The following EXD2 variants were observed in gnomAD, a reference collection of about 807,000 sequenced individuals.
EXD2 encodes the protein exonuclease 3'-5' domain-containing protein 2.
EXD2 carries 40 observed loss-of-function variants against 62.5 expected under a neutral mutation model. The ratio of observed to expected loss-of-function variants is 0.64; its 90% CI spans 0.50 to 0.83. The LOEUF is 0.83. Ranked by LOEUF, EXD2 falls within the 40% of genes least tolerant of loss-of-function variation. The pLI, the probability that EXD2 is intolerant of heterozygous loss-of-function variation, is 0.00. For missense variants in EXD2, 671 were observed against 761.8 expected, an observed-to-expected ratio of 0.88 and a Z score of 1.40; for synonymous variants, 239 against 291.9, an observed-to-expected ratio of 0.82 and a Z score of 1.85.
At position 69,241,143 on chromosome 14, in the gene EXD2, C is replaced by T; in HGVS notation, c.*43C>T. ...GTTAGGACAAGTGGGAAGCTGGAGC[C>T]AAGGTTGAAGAGTCACCTCTTCCCA... On this transcript the variant is annotated 3_prime_UTR_variant, in exon 10 of 10. Coordinates refer to ENST00000685843, the MANE Select transcript of EXD2 (RefSeq NM_001193360.2). 1 of 1,567,834 alleles carries T rather than the reference C, an allele frequency of 6.4e-7. No homozygotes were observed. The highest frequency in any genetic ancestry group is 8.7e-7 in the Non-Finnish European group (1 of 1,147,772).
chr14:69,207,893 C>CTTTTTTTTTTTTTT (rs554026312), intron 2 of EXD2, among the ~76,000 whole-genome samples: 1 of 142,034 alleles, frequency 7.0e-6, no homozygotes, highest in Non-Finnish European at 1.5e-5. Context: ...AGGCCATTTA[C>CTTTTTTTTTTTTTT]TTTTTTTTTT....
intron 8 of EXD2, 66 bp from the exon 9 acceptor site, chr14:69,237,509 C>G (rs2140043795): frequency 6.8e-7 from 1 of 1,476,986 alleles, no homozygotes; most frequent in East Asian, 2.3e-5. Context: ...AGTAGCCTGT[C>G]TGCTGTCTTC....
chr14:69,216,820 C>T (rs1190740088), intron 3 of EXD2, among the ~76,000 whole-genome samples: 3 of 152,230 alleles, frequency 2.0e-5, no homozygotes, highest in East Asian at 3.9e-4. Context: ...CATTACTTCA[C>T]ATAGTTATCA....
rs188410000 is a variant in EXD2 at position 69,224,590 on chromosome 14, T to G, written c.334-4226T>G. Among the ~76,000 whole-genome samples the G allele has an allele frequency of 1.1e-3, 163 of 152,332 alleles. No homozygotes were observed. In the Middle Eastern group the frequency reaches 0.024, roughly 22 times the overall value. On this transcript the variant is annotated intron_variant, in intron 3 of 9. Coordinates refer to ENST00000685843, the MANE Select transcript of EXD2 (RefSeq NM_001193360.2). ...GCCTCCCTGCTTTGACTCTTGTGCA[T>G]GTACAATCCTTTCTCCATGCAGTCA...
intron 2 of EXD2, among the ~76,000 whole-genome samples, chr14:69,204,557 A>T (rs1259556897): frequency 6.9e-6 from 1 of 145,414 alleles, no homozygotes. Flanking sequence ...ACTCTGTCTT[A>T]AAAAAAAAAG....
At chr14:69,208,437 C>T (rs1467161192) in intron 2 of EXD2, among the ~76,000 whole-genome samples, 1 of 151,750 alleles carries the variant, frequency 6.6e-6, no homozygotes, top group African/African-American at 2.4e-5. Context: ...GTCTCGATCT[C>T]CTGACCTCGT....
chr14:69,203,656 C>T (rs2140211594), intron 1 of EXD2, among the ~76,000 whole-genome samples: 1 of 152,270 alleles, frequency 6.6e-6, no homozygotes, highest in Non-Finnish European at 1.5e-5. Context: ...AACTCGGTTA[C>T]TGGAAGTATT....
chr14:69,237,502 A>C, intron 8 of EXD2, 73 bp from the exon 9 acceptor site: 4 of 1,402,892 alleles, frequency 2.9e-6, no homozygotes, highest in Non-Finnish European at 4.0e-6. Flanking sequence ...GAACCCCAGT[A>C]GCCTGTCTGC....
At chr14:69,220,949 C>G (rs1382187699) in intron 3 of EXD2, among the ~76,000 whole-genome samples, 3 of 152,136 alleles carry the variant, frequency 2.0e-5, no homozygotes, top group Non-Finnish European at 4.4e-5. Flanking sequence ...TCACTGCAGC[C>G]TCAAATTCCT....
At chr14:69,235,984 C>A in intron 6 of EXD2, 62 bp from the exon 7 acceptor site, 1 of 1,219,252 alleles carries the variant, frequency 8.2e-7, no homozygotes, top group Non-Finnish European at 1.2e-6. Context: ...CATGGGAAGG[C>A]AACAGACATT....
intron 9 of EXD2, among the ~76,000 whole-genome samples, chr14:69,239,945 C>G (rs1365213116): frequency 6.6e-6 from 1 of 152,248 alleles, no homozygotes; most frequent in Non-Finnish European, 1.5e-5. Context: ...CTTTCGGCCA[C>G]AGACTTTTCT....
chr14:69,196,456 T>C (rs2042207016), intron 1 of EXD2, among the ~76,000 whole-genome samples: 1 of 152,182 alleles, frequency 6.6e-6, no homozygotes, highest in South Asian at 2.1e-4. Context: ...TATGAATAGC[T>C]ATGAACTTTA....
chr14:69,233,193 C>CT (rs1594778108), intron 5 of EXD2, among the ~76,000 whole-genome samples: 1 of 152,078 alleles, frequency 6.6e-6, no homozygotes, highest in East Asian at 1.9e-4. Context: ...ACACATTCTT[C>CT]TGTGGGAAAC....
In EXD2 at chr14:69,234,784, G is replaced by A; in HGVS notation, c.802G>A (p.Gly268Arg). 1.2e-6 allele frequency: 2 copies of A among 1,614,046 alleles called. No homozygotes were observed. Among genetic ancestry groups the A allele is most frequent in the Non-Finnish European group, 1.7e-6 (2 of 1,180,008 alleles). Residue 268 changes from glycine to arginine, a missense_variant, in exon 6 of 10, where the codon GGA becomes AGA. Transcript: ENST00000685843. ...ATACCCTTTCTCTAGGAATTCACCT[G>A]GAGAAAAAAACGATGACCACAGTAG... ...LGYPFSRNSP[G>R]EKNDDHSSWR...
intron 1 of EXD2, among the ~76,000 whole-genome samples, chr14:69,193,348 C>T (rs2042098028): frequency 6.6e-6 from 1 of 152,172 alleles, no homozygotes; most frequent in South Asian, 2.1e-4. Flanking sequence ...CGTGAGCCAC[C>T]GTGTCTGGCC....
intron 2 of EXD2, among the ~76,000 whole-genome samples, chr14:69,204,556 T>TA (rs961163915): frequency 0.014 from 2,067 of 149,368 alleles, 42 homozygotes; most frequent in African/African-American, 0.049. Flanking sequence ...AACTCTGTCT[T>TA]AAAAAAAAAA....
At chr14:69,220,261 T>TTTTTTG (rs1246715575) in intron 3 of EXD2, among the ~76,000 whole-genome samples, 5 of 51,352 alleles carry the variant, frequency 9.7e-5, no homozygotes, top group Admixed American at 6.0e-4. Context: ...CTGTTTTTTT[T>TTTTTTG]TTTTTTTTTT....
chr14:69,233,567 G>A (rs1323788918), intron 5 of EXD2, among the ~76,000 whole-genome samples: 2 of 151,404 alleles, frequency 1.3e-5, no homozygotes, highest in Non-Finnish European at 2.9e-5. Flanking sequence ...AGCCTTCCGA[G>A]TAGATGGGAT....
intron 3 of EXD2, among the ~76,000 whole-genome samples, chr14:69,227,651 C>G (rs1268233298): frequency 6.6e-6 from 1 of 151,954 alleles, no homozygotes; most frequent in African/African-American, 2.4e-5. Flanking sequence ...AGTTCGAGAC[C>G]AGGGTGACAT....
Sources: allele counts gnomAD v4.1 joint callset (sites outside exome capture counted in the v4.1 genomes callset), GRCh38; gene constraint gnomAD v4.1.1; transcripts MANE v1.5; gene names NCBI Gene and HGNC (gene_info 2026-07-23, HGNC 2026-07-21).